The following ANK3 variants were observed in gnomAD, a reference collection of about 807,000 sequenced individuals.
The protein encoded by ANK3 is ankyrin-3.
A neutral mutation model predicts 370.9 loss-of-function variants in ANK3; 57 were observed. That is an observed-to-expected ratio of 0.15 (90% CI 0.12 to 0.19). ANK3 has a LOEUF of 0.19. Among genes scored for constraint, ANK3 ranks in the 10% least tolerant of loss-of-function variants. The pLI is 1.00. For missense variants in ANK3, 4,439 were observed against 5,302.1 expected, an observed-to-expected ratio of 0.84 and a Z score of 5.06; for synonymous variants, 1,929 against 1,946.3, an observed-to-expected ratio of 0.99 and a Z score of 0.23.
intron 1 of ANK3, among the ~76,000 whole-genome samples, chr10:60,290,652 G>GT (rs2041142640): frequency 6.6e-6 from 1 of 152,136 alleles, no homozygotes; most frequent in Non-Finnish European, 1.5e-5. Flanking sequence ...AGTACCCTCA[G>GT]TTCATCCCTG....
intron 2 of ANK3, among the ~76,000 whole-genome samples, chr10:60,583,060 C>T (rs2077777353): frequency 6.6e-6 from 1 of 152,168 alleles, no homozygotes; most frequent in African/African-American, 2.4e-5. Flanking sequence ...TATCTGCAAT[C>T]CTAGCTCATT....
chr10:60,649,972 G>T (rs972664327), intron 1 of ANK3, among the ~76,000 whole-genome samples: 1 of 152,144 alleles, frequency 6.6e-6, no homozygotes, highest in Non-Finnish European at 1.5e-5. Flanking sequence ...CTGCATGAGA[G>T]CACATGTCTA....
intron 2 of ANK3, among the ~76,000 whole-genome samples, chr10:60,504,307 G>C (rs1486193841): frequency 3.9e-5 from 6 of 152,130 alleles, no homozygotes; most frequent in Non-Finnish European, 2.9e-5. Context: ...CAGTCTGACT[G>C]GCCATTGACA....
intron 17 of ANK3, among the ~76,000 whole-genome samples, 176 bp from the exon 18 acceptor site, chr10:60,181,603 C>T (rs935180841): frequency 2.0e-5 from 3 of 151,998 alleles, no homozygotes; most frequent in Non-Finnish European, 4.4e-5. Flanking sequence ...TCACATGAGC[C>T]CATGAGTTTG....
chr10:60,492,490 G>A (rs1040627441), intron 2 of ANK3, among the ~76,000 whole-genome samples: 3 of 151,812 alleles, frequency 2.0e-5, no homozygotes, highest in South Asian at 2.1e-4. Context: ...GGTGGATCAC[G>A]AGGTCAGGAG....
intron 1 of ANK3, among the ~76,000 whole-genome samples, chr10:60,661,595 T>C (rs1217713173): frequency 6.6e-6 from 1 of 152,200 alleles, no homozygotes; most frequent in Non-Finnish European, 1.5e-5. Flanking sequence ...TTTTATCCTA[T>C]ATTTTATCTT....
chr10:60,528,837 C>T (rs1269983391), intron 2 of ANK3, among the ~76,000 whole-genome samples: 1 of 152,062 alleles, frequency 6.6e-6, no homozygotes, highest in Non-Finnish European at 1.5e-5. Context: ...AAAATCATCT[C>T]CTGTTAATAA....
At position 60,469,661 on chromosome 10, in the gene ANK3, ATATATATATATATATATATG is replaced by A. The variant is rs1303465920; in HGVS notation, c.96+145505_96+145524del. Among the ~76,000 whole-genome samples the A allele has an allele frequency of 4.6e-3, 356 of 78,066 alleles. 95 individuals are homozygous for A. Among genetic ancestry groups the A allele is most frequent in the East Asian group, 9.7e-3 (26 of 2,674 alleles). The allele number at this position is 78,066 out of a possible 152,430, so 51.2% of individuals were successfully genotyped here. ...TATATATATATATATATATGGTGGT[ATATATATATATATATATATG>A]GTGGTATATATATATAGTGGTCCTA... On this transcript the variant is annotated intron_variant, in intron 2 of 43. Coordinates refer to the ANK3 transcript ENST00000373827.
chr10:60,034,105 G>GT (rs2074367662), intron 43 of ANK3, among the ~76,000 whole-genome samples: 4 of 131,010 alleles, frequency 3.1e-5, no homozygotes, highest in South Asian at 5.0e-4. Flanking sequence ...TTTGTTTTTT[G>GT]GTTTTTTTTT....
chr10:60,419,863 C>T lies in ANK3; in HGVS notation c.97-140224G>A, dbSNP rs529272808. ...TTCATCTGTGGTAGTCATTTTTTTA[C>T]ATCCAACCTCTCTGGGCCTTGCTTT... On this transcript the variant is annotated intron_variant, in intron 2 of 43. Coordinates refer to the ANK3 transcript ENST00000373827. Among the ~76,000 whole-genome samples, 17 of 152,196 alleles carry T rather than the reference C, an allele frequency of 1.1e-4. No individual in the cohort carries two copies. In the East Asian group the frequency reaches 3.1e-3, roughly 28 times the overall value.
intron 28 of ANK3, among the ~76,000 whole-genome samples, chr10:60,089,505 GTGTA>G (rs1393643568): frequency 1.5e-5 from 2 of 129,698 alleles, no homozygotes; most frequent in African/African-American, 6.0e-5. Flanking sequence ...GTGTGTGTGT[GTGTA>G]TGTATGTGTG....
intron 2 of ANK3, among the ~76,000 whole-genome samples, chr10:60,571,658 T>A (rs777838995): frequency 6.6e-6 from 1 of 152,226 alleles, no homozygotes; most frequent in Non-Finnish European, 1.5e-5. Context: ...TGCACAACTG[T>A]CTTTTCCATT....
chr10:60,703,646 T>C (rs2079574241), intron 1 of ANK3, among the ~76,000 whole-genome samples: 1 of 152,158 alleles, frequency 6.6e-6, no homozygotes, highest in Non-Finnish European at 1.5e-5. Flanking sequence ...TACATTTTTA[T>C]TATGAAGTAT....
At chr10:60,032,178 T>C (rs2131833257) in intron 43 of ANK3, among the ~76,000 whole-genome samples, 1 of 147,884 alleles carries the variant, frequency 6.8e-6, no homozygotes, top group Non-Finnish European at 1.5e-5. Context: ...CTTCAGCTAT[T>C]ATAAATACAC....
At chr10:60,691,891 C>T (rs904136498) in intron 1 of ANK3, among the ~76,000 whole-genome samples, 11 of 152,254 alleles carry the variant, frequency 7.2e-5, no homozygotes, top group African/African-American at 2.2e-4. Context: ...TGCATATACA[C>T]GTGTACCTGT....
intron 2 of ANK3, among the ~76,000 whole-genome samples, chr10:60,467,116 A>G (rs1343558459): frequency 6.6e-6 from 1 of 152,230 alleles, no homozygotes; most frequent in African/African-American, 2.4e-5. Flanking sequence ...GAAAATATGG[A>G]GAGTGAAACT....
At chr10:60,212,250 T>C (rs1380204631) in intron 9 of ANK3, among the ~76,000 whole-genome samples, 1 of 152,100 alleles carries the variant, frequency 6.6e-6, no homozygotes, top group Non-Finnish European at 1.5e-5. Flanking sequence ...TGGGGATTAA[T>C]GGGAGGGTTT....
chr10:60,509,003 T>C (rs1429018299), intron 2 of ANK3, among the ~76,000 whole-genome samples: 2 of 152,168 alleles, frequency 1.3e-5, no homozygotes, highest in African/African-American at 4.8e-5. Flanking sequence ...GTTGCAACTC[T>C]TTCTTTACAG....
chr10:60,707,213 T>A (rs1285607876), intron 1 of ANK3, among the ~76,000 whole-genome samples: 1 of 152,180 alleles, frequency 6.6e-6, no homozygotes, highest in Non-Finnish European at 1.5e-5. Context: ...TGTCCTAATA[T>A]GAAATTATTA....
Sources: allele counts gnomAD v4.1 joint callset (sites outside exome capture counted in the v4.1 genomes callset), GRCh38; gene constraint gnomAD v4.1.1; transcripts MANE v1.5; gene names NCBI Gene and HGNC (gene_info 2026-07-23, HGNC 2026-07-21).